Variants in CORO2B observed in about 807,000 individuals in gnomAD.
CORO2B encodes coronin-2B.
In CORO2B, 26 loss-of-function variants were observed where a neutral mutation model predicts 58.8. The ratio of observed to expected loss-of-function variants is 0.44; its 90% CI spans 0.32 to 0.61. The LOEUF is 0.61. Ranked by LOEUF, CORO2B falls within the 20% of genes least tolerant of loss-of-function variation. The pLI, the probability that CORO2B is intolerant of heterozygous loss-of-function variation, is 0.04. For synonymous variants in CORO2B, 242 were observed against 253.8 expected (o/e 0.95, Z 0.44); for missense variants, 460 against 645.1 (o/e 0.71, Z 3.11).
chr15:68,576,947 G>C (rs1899298983), upstream of CORO2B, among the ~76,000 whole-genome samples: 2 of 152,206 alleles, frequency 1.3e-5, no homozygotes, highest in Non-Finnish European at 2.9e-5. Context: ...AAATGCAACA[G>C]GGAGAGCCAT....
the CORO2B span, among the ~76,000 whole-genome samples, chr15:68,563,802 C>T: frequency 6.6e-6 from 1 of 152,010 alleles, no homozygotes; most frequent in African/African-American, 2.4e-5. Flanking sequence ...CTAGAAAGAA[C>T]TACAAAAACT....
Position 68,579,215 on chromosome 15 carries a change from G to A in CORO2B, c.-48G>A, listed in dbSNP as rs1415396255. On this transcript the variant is annotated 5_prime_UTR_variant, in exon 1 of 12. Transcript: ENST00000261861. Reference sequence around the variant, plus strand: ...GCCGCCGCCCCGGGCCGCCGCCGCCGCCCCCGCACGCCGCGCCCGCGCCCC... The same window carrying A: ...GCCGCCGCCCCGGGCCGCCGCCGCCACCCCCGCACGCCGCGCCCGCGCCCC... 3.8e-6 allele frequency: 4 copies of A among 1,047,136 alleles called. No individual in the cohort carries two copies. The African/African-American group carries it at 5.2e-5, about 14-fold the overall frequency. The allele number at this position is 1,047,136 out of a possible 1,614,324, so 64.9% of individuals were successfully genotyped here. A position where few individuals can be genotyped will look rare whatever the true frequency, so the allele number is the denominator to read the frequency against.
chr15:68,598,175 G>C (rs1277880498), intron 1 of CORO2B, among the ~76,000 whole-genome samples: 1 of 152,242 alleles, frequency 6.6e-6, no homozygotes, highest in African/African-American at 2.4e-5. Flanking sequence ...CTGAAGCTCA[G>C]TGCCCTGGGC....
intron 8 of CORO2B, among the ~76,000 whole-genome samples, chr15:68,718,055 G>A (rs1893073313): frequency 6.6e-6 from 1 of 152,216 alleles, no homozygotes; most frequent in Non-Finnish European, 1.5e-5. Flanking sequence ...TCCACCCCTA[G>A]ATAGAGCTGT....
At chr15:68,634,003 G>A (rs1900945731) in intron 1 of CORO2B, among the ~76,000 whole-genome samples, 2 of 152,232 alleles carry the variant, frequency 1.3e-5, no homozygotes, top group African/African-American at 4.8e-5. Context: ...AGTCGGTCAG[G>A]GCATGTCACA....
the CORO2B span, among the ~76,000 whole-genome samples, chr15:68,522,461 T>G: frequency 2.0e-5 from 3 of 152,242 alleles, no homozygotes; most frequent in South Asian, 6.2e-4. Flanking sequence ...CTTTCTTTCT[T>G]TTTTTTGAGA....
the CORO2B span, among the ~76,000 whole-genome samples, chr15:68,520,444 G>A: frequency 2.0e-5 from 3 of 152,080 alleles, no homozygotes; most frequent in Non-Finnish European, 4.4e-5. Flanking sequence ...TGAAGCTATG[G>A]CGTTAAATAC....
intron 3 of CORO2B, among the ~76,000 whole-genome samples, chr15:68,697,727 G>A (rs1316499008): frequency 6.6e-6 from 1 of 152,240 alleles, no homozygotes; most frequent in African/African-American, 2.4e-5. Context: ...GGCTGCAGAA[G>A]GAAGGGCACA....
At position 68,645,103 on chromosome 15, in the gene CORO2B, G is replaced by C; in HGVS notation, c.16-57G>C. The C allele has an allele frequency of 6.4e-7, 1 of 1,566,876 alleles. No homozygotes were observed. Among genetic ancestry groups the C allele is most frequent in the Middle Eastern group, 1.7e-4 (1 of 5,908 alleles). On this transcript the variant is annotated intron_variant, in intron 1 of 11. Coordinates refer to ENST00000261861, the MANE Select transcript of CORO2B (RefSeq NM_006091.5). This position sits in a 1 kb window ranked among gnomAD's most constrained non-coding sequence, Gnocchi z 4.5. ...GCTTCCCTCCCCCAAGAGCCCAGCC[G>C]AGGCCCTTCATGGCACAGGGCCCAG...
chr15:68,726,098 C>T lies in CORO2B; in HGVS notation c.*124C>T. 1.6e-6 allele frequency: 2 copies of T among 1,264,878 alleles called. No individual in the cohort carries two copies. The highest frequency in any genetic ancestry group is 2.2e-6 in the Non-Finnish European group (2 of 917,884). The allele number at this position is 1,264,878 out of a possible 1,614,324, so 78.4% of individuals were successfully genotyped here. A position where few individuals can be genotyped will look rare whatever the true frequency, so the allele number is the denominator to read the frequency against. ...GGAGTGGGGGCCAGCCTGAGGACCC[C>T]CGCCTACCACCTCGAGAACTGGAAG... On this transcript the variant is annotated 3_prime_UTR_variant, in exon 12 of 12. Coordinates refer to ENST00000261861, the MANE Select transcript of CORO2B (RefSeq NM_006091.5).
intron 1 of CORO2B, among the ~76,000 whole-genome samples, chr15:68,593,838 A>G (rs1485598072): frequency 6.6e-6 from 1 of 152,144 alleles, no homozygotes; most frequent in East Asian, 1.9e-4. Context: ...GGAAGGCTTC[A>G]TGGAGGAGGT....
intron 1 of CORO2B, among the ~76,000 whole-genome samples, chr15:68,623,959 G>A (rs1185733016): frequency 6.6e-6 from 1 of 152,128 alleles, no homozygotes; most frequent in East Asian, 1.9e-4. Context: ...TCTCTGCCCA[G>A]CCCTCCTCAG....
upstream of CORO2B, chr15:68,578,914 G>C (rs1484757985): frequency 1.8e-6 from 1 of 559,762 alleles, no homozygotes; most frequent in African/African-American, 2.0e-5. The surrounding 1 kb of genome is among the most constrained non-coding windows in gnomAD (Gnocchi z 4.2). Context: ...TCCTCCCTCC[G>C]CCTCCTCCTT....
At chr15:68,717,003 T>G (rs961549727) in intron 8 of CORO2B, among the ~76,000 whole-genome samples, 2 of 152,078 alleles carry the variant, frequency 1.3e-5, no homozygotes, top group South Asian at 2.1e-4. Context: ...TCCGAAATGT[T>G]AGTTAAGATT....
At chr15:68,538,725 A>C in the CORO2B span, among the ~76,000 whole-genome samples, 1 of 151,686 alleles carries the variant, frequency 6.6e-6, no homozygotes, top group African/African-American at 2.4e-5. Flanking sequence ...AACAAAAAAA[A>C]CCCAGCTTTA....
intron 11 of CORO2B, among the ~76,000 whole-genome samples, chr15:68,725,433 A>T (rs1893271188): frequency 6.6e-6 from 1 of 151,932 alleles, no homozygotes; most frequent in Non-Finnish European, 1.5e-5. Context: ...ATGTAATAAT[A>T]CATCTATTAT....
chr15:68,659,348 A>G (rs1385831053), intron 2 of CORO2B, among the ~76,000 whole-genome samples: 2 of 152,254 alleles, frequency 1.3e-5, no homozygotes, highest in African/African-American at 4.8e-5. Context: ...TAAACAGTCA[A>G]TTAACACATA....
At chr15:68,656,737 A>G (rs1901819143) in intron 2 of CORO2B, among the ~76,000 whole-genome samples, 1 of 152,084 alleles carries the variant, frequency 6.6e-6, no homozygotes, top group African/African-American at 2.4e-5. Context: ...TTCAACCCTG[A>G]CTCTACCATT....
chr15:68,713,308 T>C (rs1352836), intron 5 of CORO2B, among the ~76,000 whole-genome samples: 27,338 of 152,120 alleles, frequency 0.18, 2,916 homozygotes, highest in Non-Finnish European at 0.24. Flanking sequence ...GCTCCTGAAG[T>C]GGTGTAGCCC....
Sources: gnomAD v4.1 joint callset for allele counts (sites outside exome capture counted in the v4.1 genomes callset) on GRCh38, gnomAD v4.1.1 for gene constraint, Gnocchi (gnomAD v3.1) non-coding constraint, MANE v1.5 for transcripts, NCBI Gene and HGNC (gene_info 2026-07-23, HGNC 2026-07-21) for gene names.